The following PIK3R3 variants were observed in gnomAD, a reference collection of about 807,000 sequenced individuals.
PIK3R3 encodes phosphatidylinositol 3-kinase regulatory subunit gamma.
A neutral mutation model predicts 62.9 loss-of-function variants in PIK3R3; 64 were observed. The observed-to-expected ratio is 1.02, with a 90% CI of 0.83 to 1.25. PIK3R3 has a LOEUF of 1.25. Among genes scored for constraint, PIK3R3 ranks in the 50% most tolerant of loss-of-function variants. The pLI, the probability that PIK3R3 is intolerant of heterozygous loss-of-function variation, is 0.00. For missense variants in PIK3R3, 614 were observed against 561.6 expected, an observed-to-expected ratio of 1.09 and a Z score of -0.94; for synonymous variants, 165 against 189.0, an observed-to-expected ratio of 0.87 and a Z score of 1.04.
chr1:46,077,665 C>T lies in PIK3R3; in HGVS notation c.216-52G>A, dbSNP rs746103387. 5.8e-5 allele frequency: 65 copies of T among 1,114,280 alleles called. 1 individual carries two copies. The African/African-American group carries it at 6.3e-4, about 11-fold the overall frequency. 69.0% of individuals were successfully genotyped at this position (1,114,280 alleles called of 1,614,324 possible). On this transcript the variant is annotated intron_variant, in intron 2 of 9. Coordinates refer to ENST00000262741, the MANE Select transcript of PIK3R3 (RefSeq NM_003629.4). ...GAAAAAATGTCAACACTGGTGGCTTCGGCAGTAGGTGTGCCTTCTTTACAT... is the reference window on the plus strand; with the variant it reads ...GAAAAAATGTCAACACTGGTGGCTTTGGCAGTAGGTGTGCCTTCTTTACAT...
chr1:46,062,727 T>C (rs1648623119), intron 5 of PIK3R3, among the ~76,000 whole-genome samples: 1 of 152,256 alleles, frequency 6.6e-6, no homozygotes, highest in South Asian at 2.1e-4. Flanking sequence ...TTGATGTTTA[T>C]GGGATAATTC....
At chr1:46,158,483 A>G in the PIK3R3 span, among the ~76,000 whole-genome samples, 1 of 152,130 alleles carries the variant, frequency 6.6e-6, no homozygotes, top group East Asian at 1.9e-4. Context: ...GCCTTCCATG[A>G]GCTCACCTCT....
At chr1:46,151,735 C>T in the PIK3R3 span, among the ~76,000 whole-genome samples, 4 of 152,188 alleles carry the variant, frequency 2.6e-5, no homozygotes, top group Admixed American at 6.5e-5. Flanking sequence ...TTTAGGGACT[C>T]AGAGGTGTCC....
At chr1:46,143,961 C>CT in the PIK3R3 span, among the ~76,000 whole-genome samples, 1 of 152,198 alleles carries the variant, frequency 6.6e-6, no homozygotes, top group African/African-American at 2.4e-5. Flanking sequence ...TTCCCAGTCT[C>CT]TGGTATCTAT....
chr1:46,059,305 TG>T (rs1336610495), intron 6 of PIK3R3, among the ~76,000 whole-genome samples: 2 of 152,186 alleles, frequency 1.3e-5, no homozygotes, highest in Non-Finnish European at 2.9e-5. Flanking sequence ...CTAATACAAA[TG>T]GGTACCTACA....
At chr1:46,086,141 G>A (rs1651032634) in intron 1 of PIK3R3, among the ~76,000 whole-genome samples, 1 of 152,206 alleles carries the variant, frequency 6.6e-6, no homozygotes, top group South Asian at 2.1e-4. Context: ...ACATATAGAT[G>A]TTTTAAGTGT....
In PIK3R3 at chr1:46,120,320, G is replaced by A. The variant is rs1056566340; in HGVS notation, c.106+11527C>T. On this transcript the variant is annotated intron_variant, in intron 1 of 9. Transcript: ENST00000262741. ...TGGCTGGGCGCGGTGGCTCACGCCT[G>A]TAATCCCAGCACTTTGGGAGGCCAA... 5.9e-5 allele frequency among the ~76,000 whole-genome samples: 9 copies of A among 152,352 alleles called. No individual in the cohort carries two copies. The East Asian group carries it at 9.6e-4, about 16-fold the overall frequency.
At chr1:46,093,123 T>C (rs997411391) in intron 1 of PIK3R3, among the ~76,000 whole-genome samples, 4 of 152,186 alleles carry the variant, frequency 2.6e-5, no homozygotes, top group Non-Finnish European at 4.4e-5. Context: ...AAGTAACATA[T>C]GTAGAACCAA....
intron 6 of PIK3R3, among the ~76,000 whole-genome samples, chr1:46,059,035 C>T (rs909081631): frequency 3.3e-5 from 5 of 152,194 alleles, no homozygotes; most frequent in South Asian, 2.1e-4. Context: ...ATCATGGAGG[C>T]GGTTTCCCCA....
At chr1:46,164,408 C>T in the PIK3R3 span, among the ~76,000 whole-genome samples, 3 of 151,986 alleles carry the variant, frequency 2.0e-5, no homozygotes, top group Non-Finnish European at 4.4e-5. Context: ...CGATCCCTCT[C>T]CCCTGAGGCA....
intron 6 of PIK3R3, chr1:46,057,479 G>A (rs764477377): frequency 6.5e-6 from 1 of 152,680 alleles, no homozygotes; most frequent in Non-Finnish European, 1.5e-5. Context: ...GGGCTCAGAA[G>A]AAGACAGGAA....
At chr1:46,071,727 A>ATG (rs1401691772) in intron 3 of PIK3R3, among the ~76,000 whole-genome samples, 5 of 82,236 alleles carry the variant, frequency 6.1e-5, no homozygotes, top group Non-Finnish European at 1.2e-4. Flanking sequence ...ATATATATAT[A>ATG]TATAGAGAGA....
chr1:46,134,902 C>G (rs1018240103), upstream of PIK3R3, among the ~76,000 whole-genome samples: 5 of 152,216 alleles, frequency 3.3e-5, no homozygotes, highest in Admixed American at 6.5e-5. Flanking sequence ...ATCAAGTGGT[C>G]AAGGCTGACA....
chr1:46,061,799 G>A, intron 6 of PIK3R3, 130 bp downstream of exon 6: 1 of 818,746 alleles, frequency 1.2e-6, no homozygotes, highest in Non-Finnish European at 2.0e-6. Context: ...TGCCATTAGT[G>A]GAAACAGCAA....
At chr1:46,100,833 C>G (rs78021461) in intron 1 of PIK3R3, among the ~76,000 whole-genome samples, 3,449 of 152,226 alleles carry the variant, frequency 0.023, 144 homozygotes, top group African/African-American at 0.079. Flanking sequence ...ATTTTGTTCA[C>G]TGGTACCTTT....
the PIK3R3 span, among the ~76,000 whole-genome samples, chr1:46,147,595 A>G: frequency 6.6e-6 from 1 of 151,288 alleles, no homozygotes; most frequent in Non-Finnish European, 1.5e-5. Context: ...TTTTTTTTGT[A>G]TTTTTAGTAG....
upstream of PIK3R3, among the ~76,000 whole-genome samples, chr1:46,137,708 T>C (rs1360846314): frequency 6.6e-6 from 1 of 152,214 alleles, no homozygotes; most frequent in Non-Finnish European, 1.5e-5. Context: ...GAGTTCCTCA[T>C]GTTGGACAAC....
At chr1:46,101,076 GC>G (rs1281210122) in intron 1 of PIK3R3, among the ~76,000 whole-genome samples, 10 of 149,224 alleles carry the variant, frequency 6.7e-5, no homozygotes, top group Non-Finnish European at 4.4e-5. Flanking sequence ...GGTGGCTGAG[GC>G]ATGAGAATCG....
At chr1:46,162,871 C>T in the PIK3R3 span, among the ~76,000 whole-genome samples, 26,939 of 152,148 alleles carry the variant, frequency 0.18, 2,627 homozygotes, top group South Asian at 0.39. Flanking sequence ...GATCCACCCA[C>T]CTCAGCTTTC....
Sources: gnomAD v4.1 joint callset for allele counts (sites outside exome capture counted in the v4.1 genomes callset) on GRCh38, gnomAD v4.1.1 for gene constraint, MANE v1.5 for transcripts, NCBI Gene and HGNC (gene_info 2026-07-23, HGNC 2026-07-21) for gene names.